The following ADAMTSL1 variants were observed in gnomAD, a reference collection of about 807,000 sequenced individuals.
ADAMTSL1 encodes ADAMTS-like protein 1.
ADAMTSL1 carries 126 observed loss-of-function variants against 201.8 expected under a neutral mutation model. That is an observed-to-expected ratio of 0.62 (90% CI 0.54 to 0.72). The LOEUF is 0.72. ADAMTSL1 is among the 30% of genes least tolerant of loss of function. The pLI is 0.00. For synonymous variants in ADAMTSL1, 1,121 were observed against 903.4 expected (o/e 1.24, Z -4.32); for missense variants, 2,679 against 2,277.8 (o/e 1.18, Z -3.59).
rs1831661793 is a variant in ADAMTSL1, at chr9:18,255,829, C to A, written c.207+91848C>A. ...GGTCTCCAGCTGGCCCTTGGTAAGCCTTTCCATCTACCCTCTTTGTCAGAA... is the reference window on the plus strand; with the variant it reads ...GGTCTCCAGCTGGCCCTTGGTAAGCATTTCCATCTACCCTCTTTGTCAGAA... On this transcript the variant is annotated intron_variant, in intron 2 of 29. Coordinates refer to the ADAMTSL1 transcript ENST00000680146. Among the ~76,000 whole-genome samples, 4 of 152,146 alleles carry A rather than the reference C, an allele frequency of 2.6e-5. No individual in the cohort carries two copies. The South Asian group carries it at 8.3e-4, about 32-fold the overall frequency.
chr9:18,326,452 T>A (rs1429451898), intron 2 of ADAMTSL1, among the ~76,000 whole-genome samples: 1 of 150,740 alleles, frequency 6.6e-6, no homozygotes, highest in Non-Finnish European at 1.5e-5. Context: ...AAAGTGGAGA[T>A]GGAGAGGAGT....
chr9:18,794,983 A>G (rs1456959047), intron 19 of ADAMTSL1, among the ~76,000 whole-genome samples: 3 of 152,228 alleles, frequency 2.0e-5, no homozygotes, highest in South Asian at 2.1e-4. Context: ...CGTTCTTTCA[A>G]CCATCCAACC....
intron 2 of ADAMTSL1, among the ~76,000 whole-genome samples, chr9:18,262,241 G>T (rs937642236): frequency 1.3e-5 from 2 of 152,070 alleles, no homozygotes; most frequent in South Asian, 4.1e-4. Flanking sequence ...AGGAGCTAAG[G>T]ATCATATATT....
intron 1 of ADAMTSL1, among the ~76,000 whole-genome samples, chr9:18,490,048 G>T (rs569120925): frequency 6.6e-6 from 1 of 152,346 alleles, no homozygotes; most frequent in African/African-American, 2.4e-5. Context: ...GCTGTCTGGA[G>T]TCTACTCAAG....
rs551686553 is a variant in ADAMTSL1, at chr9:18,493,817, C to T, written c.64-11012C>T. Among the ~76,000 whole-genome samples, 19 of 152,302 alleles carry T rather than the reference C, an allele frequency of 1.2e-4. No homozygotes were observed. In the South Asian group the frequency reaches 3.7e-3, roughly 30 times the overall value. On this transcript the variant is annotated intron_variant, in intron 1 of 28. Transcript: ENST00000380548. ...AAGCTGACAGCTGTTATGAATTAGA[C>T]ATTCAACTGCAGTTTGTCCTAACCT...
chr9:17,935,835 C>T (rs1469232820), intron 1 of ADAMTSL1, among the ~76,000 whole-genome samples: 1 of 152,198 alleles, frequency 6.6e-6, no homozygotes, highest in East Asian at 1.9e-4. Flanking sequence ...TCAGTCTCGT[C>T]TCAGTAGAGC....
chr9:18,837,276 A>G (rs1050499727), intron 23 of ADAMTSL1, among the ~76,000 whole-genome samples: 8 of 152,236 alleles, frequency 5.3e-5, no homozygotes, highest in African/African-American at 1.9e-4. Context: ...AGTTTTGTAT[A>G]TGATATAAGC....
chr9:18,446,819 C>T lies in ADAMTSL1; in HGVS notation c.208-58010C>T, dbSNP rs186603236. ...TTGTCTTAGAACAGAATTAGGCCTA[C>T]CTTGGACCATATCCAAAGAGAAGGT... On this transcript the variant is annotated intron_variant, in intron 2 of 29. Transcript: ENST00000680146. 1.0e-3 allele frequency among the ~76,000 whole-genome samples: 152 copies of T among 152,284 alleles called. No homozygotes were observed. In the Middle Eastern group the frequency reaches 0.014, roughly 14 times the overall value.
chr9:18,129,726 C>T (rs1430156745), intron 1 of ADAMTSL1, among the ~76,000 whole-genome samples: 3 of 152,042 alleles, frequency 2.0e-5, no homozygotes, highest in East Asian at 3.9e-4. Context: ...GAATGGATGA[C>T]GATTAAATTC....
At chr9:18,241,336 C>T (rs932407252) in intron 2 of ADAMTSL1, among the ~76,000 whole-genome samples, 2 of 152,098 alleles carry the variant, frequency 1.3e-5, no homozygotes, top group Non-Finnish European at 2.9e-5. Context: ...TTTGCTGTTG[C>T]CTCTGTAGAA....
At chr9:18,313,255 C>G (rs1587532048) in intron 2 of ADAMTSL1, among the ~76,000 whole-genome samples, 1 of 152,268 alleles carries the variant, frequency 6.6e-6, no homozygotes, top group Middle Eastern at 3.4e-3. Flanking sequence ...TTCTTGTATT[C>G]CAAATTTACC....
intron 1 of ADAMTSL1, among the ~76,000 whole-genome samples, chr9:18,014,063 T>C (rs1326076166): frequency 1.3e-5 from 2 of 152,016 alleles, no homozygotes; most frequent in Non-Finnish European, 2.9e-5. Flanking sequence ...TATTTGGCAA[T>C]ACTGCATAGC....
chr9:18,370,036 T>C (rs1836971665), intron 2 of ADAMTSL1, among the ~76,000 whole-genome samples: 1 of 152,106 alleles, frequency 6.6e-6, no homozygotes, highest in Non-Finnish European at 1.5e-5. Context: ...TCCCAGCACT[T>C]TGGGAGGCCG....
intron 5 of ADAMTSL1, 151 bp from the exon 6 acceptor site, chr9:18,635,792 A>G (rs1261413313): frequency 1.2e-5 from 7 of 599,740 alleles, no homozygotes; most frequent in Non-Finnish European, 2.0e-5. Context: ...CAAAGTGAAA[A>G]TGTTGATTTC....
intron 1 of ADAMTSL1, among the ~76,000 whole-genome samples, chr9:18,141,003 A>C (rs780110058): frequency 6.6e-6 from 1 of 152,184 alleles, no homozygotes; most frequent in Non-Finnish European, 1.5e-5. Flanking sequence ...GAGCACCAGA[A>C]TGGTTTCTTA....
chr9:18,564,329 C>T (rs772333297), intron 3 of ADAMTSL1, among the ~76,000 whole-genome samples: 41 of 152,258 alleles, frequency 2.7e-4, no homozygotes, highest in Non-Finnish European at 4.4e-4. Context: ...GCTCACCCTC[C>T]GTGGATTGCA....
chr9:18,354,164 G>A (rs951809172), intron 2 of ADAMTSL1, among the ~76,000 whole-genome samples: 2 of 150,562 alleles, frequency 1.3e-5, no homozygotes, highest in South Asian at 2.1e-4. Context: ...TCTGTCTCTG[G>A]TGTAAATACA....
At chr9:18,494,747 T>C (rs1000202755) in intron 1 of ADAMTSL1, among the ~76,000 whole-genome samples, 1 of 152,350 alleles carries the variant, frequency 6.6e-6, no homozygotes, top group Admixed American at 6.5e-5. Context: ...ATAAAAGCTA[T>C]AAATCCTCGC....
chr9:18,678,248 T>C (rs1410572782), intron 10 of ADAMTSL1, among the ~76,000 whole-genome samples: 1 of 152,166 alleles, frequency 6.6e-6, no homozygotes, highest in Non-Finnish European at 1.5e-5. Context: ...GATGTATAAA[T>C]TCATTCAATG....
Sources: gnomAD v4.1 joint callset for allele counts (sites outside exome capture counted in the v4.1 genomes callset) on GRCh38, gnomAD v4.1.1 for gene constraint, MANE v1.5 for transcripts, NCBI Gene and HGNC (gene_info 2026-07-23, HGNC 2026-07-21) for gene names.